Variants in HYDIN observed in about 807,000 individuals in gnomAD.
The protein encoded by HYDIN is HYDIN axonemal central pair apparatus protein.
In HYDIN, 132 loss-of-function variants were observed where a neutral mutation model predicts 403.9. The ratio of observed to expected loss-of-function variants is 0.33; its 90% confidence interval spans 0.28 to 0.38. The LOEUF is 0.38. HYDIN is among the 10% of genes least tolerant of loss of function. The pLI is 1.00. For synonymous variants in HYDIN, 1,202 were observed against 1,891.7 expected, an observed-to-expected ratio of 0.64 and a Z score of 9.46; for missense variants, 2,827 against 5,009.5, an observed-to-expected ratio of 0.56 and a Z score of 13.15.
chr16:71,073,192 C>G (rs2082523709), intron 13 of HYDIN, among the ~76,000 whole-genome samples: 2 of 152,094 alleles, frequency 1.3e-5, no homozygotes, highest in African/African-American at 4.8e-5. Flanking sequence ...TTGTTAGATG[C>G]CTGACGTTAC....
At chr16:71,201,729 A>G (rs1338882459) in intron 1 of HYDIN, among the ~76,000 whole-genome samples, 1 of 152,272 alleles carries the variant, frequency 6.6e-6, no homozygotes, top group Non-Finnish European at 1.5e-5. Flanking sequence ...AAATGACAGC[A>G]GTGCCAACAG....
At chr16:71,086,308 C>T (rs2082929691) in intron 12 of HYDIN, among the ~76,000 whole-genome samples, 1 of 151,880 alleles carries the variant, frequency 6.6e-6, no homozygotes, top group South Asian at 2.1e-4. Flanking sequence ...TACAACCTTG[C>T]TTGAAGGAGG....
At position 70,970,569 on chromosome 16, in the gene HYDIN, A is replaced by G. The variant is rs1435309779; in HGVS notation, c.5570T>C (p.Ile1857Thr). ...ATCAAATTCTAAGGAATAAAACTCA[A>G]TGGGGAAGTTGCAGGGATTCTTCAC... ...VIVKNPCNFPIEFYSLEFDQQ... is the reference protein window; with the variant it reads ...VIVKNPCNFPTEFYSLEFDQQ... Residue 1857 changes from isoleucine (I) to threonine (T), a missense_variant, in exon 36 of 86, where the codon ATT (isoleucine) becomes ACT (threonine). Coordinates refer to ENST00000393567, the MANE Select transcript of HYDIN (RefSeq NM_001270974.2). The G allele has an allele frequency of 2.2e-6, 3 of 1,339,192 alleles. No homozygotes were observed. The highest frequency in any genetic ancestry group is 2.1e-6 in the Non-Finnish European group (2 of 941,600). The allele number at this position is 1,339,192 out of a possible 1,614,324, so 83.0% of individuals were successfully genotyped here.
At chr16:70,830,143 G>C (rs2036877998) in intron 80 of HYDIN, among the ~76,000 whole-genome samples, 1 of 151,756 alleles carries the variant, frequency 6.6e-6, no homozygotes, top group South Asian at 2.1e-4. Flanking sequence ...ATAGAAATAA[G>C]TGCCAAGGGG....
At chr16:71,017,115 G>A (rs1487947351) in intron 23 of HYDIN, among the ~76,000 whole-genome samples, 4 of 151,788 alleles carry the variant, frequency 2.6e-5, no homozygotes, top group African/African-American at 9.7e-5. Flanking sequence ...CGAGGCGGGC[G>A]GATTACCTGA....
At chr16:71,005,112 A>G (rs1360992226) in intron 23 of HYDIN, among the ~76,000 whole-genome samples, 1 of 152,252 alleles carries the variant, frequency 6.6e-6, no homozygotes, top group African/African-American at 2.4e-5. Context: ...CCTAGTATAC[A>G]GTAATTTTTC....
In HYDIN at chr16:70,848,337, G is replaced by A. The variant is rs1420198343; in HGVS notation, c.12873+1389C>T. On this transcript the variant is annotated intron_variant, in intron 75 of 85. Coordinates refer to ENST00000393567, the MANE Select transcript of HYDIN (RefSeq NM_001270974.2). ...AGTCCAACATCTGGGCTCCCTCAGA[G>A]ACAACTTCTATTCATTGCTTTTTTC... 2.6e-5 allele frequency among the ~76,000 whole-genome samples: 4 copies of A among 151,978 alleles called. No individual in the cohort carries two copies. The East Asian group carries it at 7.7e-4, about 29-fold the overall frequency.
At position 70,832,909 on chromosome 16, in the gene HYDIN, C is replaced by A. The variant is rs773112624; in HGVS notation, c.13838G>T (p.Gly4613Val). 6.2e-7 allele frequency: 1 copy of A among 1,613,758 alleles called. No homozygotes were observed. The highest frequency in any genetic ancestry group is 1.3e-5 in the African/African-American group (1 of 74,878). ...LCKNILCYIQ[G>V]GSPLSLTLSG... Reference sequence around the variant, plus strand: ...CAGGGTTAGACTCAGAGGACTGCCTCCCTGGATGTAGCAGAGAATGTTTTT... The same window carrying A: ...CAGGGTTAGACTCAGAGGACTGCCTACCTGGATGTAGCAGAGAATGTTTTT... Residue 4613 changes from glycine (G) to valine (V), a missense_variant, in exon 80 of 86, where the codon GGA (glycine) becomes GTA (valine). Transcript: ENST00000393567.
intron 12 of HYDIN, among the ~76,000 whole-genome samples, chr16:71,084,809 G>A (rs2082886014): frequency 6.8e-6 from 1 of 146,846 alleles, no homozygotes; most frequent in African/African-American, 2.6e-5. Flanking sequence ...AATCATAAAA[G>A]GGTGCTAAAT....
At chr16:70,955,628 G>A in intron 39 of HYDIN, 80 bp from the exon 40 acceptor site, 2 of 620,664 alleles carry the variant, frequency 3.2e-6, no homozygotes, top group Middle Eastern at 4.5e-4. Flanking sequence ...CAAGAGCAGA[G>A]GTCCCTGCAA....
At chr16:70,830,101 C>G (rs2036874564) in intron 80 of HYDIN, among the ~76,000 whole-genome samples, 2 of 152,042 alleles carry the variant, frequency 1.3e-5, no homozygotes, top group Admixed American at 1.3e-4. Context: ...TAGAGGGAGA[C>G]AGACACACAA....
intron 10 of HYDIN, among the ~76,000 whole-genome samples, chr16:71,112,914 C>T (rs1027984392): frequency 1.6e-4 from 25 of 152,114 alleles, no homozygotes; most frequent in Non-Finnish European, 2.4e-4. Flanking sequence ...ATAAATAAAC[C>T]TCATAAGATA....
chr16:70,958,106 C>T (rs577233320), intron 39 of HYDIN, among the ~76,000 whole-genome samples: 8 of 151,612 alleles, frequency 5.3e-5, no homozygotes, highest in African/African-American at 1.9e-4. Flanking sequence ...AGGTGTCTTC[C>T]CTCTCCTTCT....
intron 1 of HYDIN, among the ~76,000 whole-genome samples, chr16:71,204,570 TGTAA>T (rs1335543781): frequency 6.6e-6 from 1 of 152,272 alleles, no homozygotes; most frequent in Non-Finnish European, 1.5e-5. Context: ...AAATGTCAAA[TGTAA>T]TTCTTTTAAT....
intron 1 of HYDIN, among the ~76,000 whole-genome samples, chr16:71,219,241 T>A (rs2089059872): frequency 6.6e-6 from 1 of 152,126 alleles, no homozygotes; most frequent in African/African-American, 2.4e-5. Context: ...CAGATCATAA[T>A]GTTATTAGAG....
In HYDIN at chr16:70,955,421, G is replaced by A. The variant is rs766738680; in HGVS notation, c.6270C>T (p.Cys2090=). ...CGGACTGCTCTATGGCAGCCCTGATGCAGAGCTCACGGGCCCGGATCCCTG... is the reference window on the plus strand; with the variant it reads ...CGGACTGCTCTATGGCAGCCCTGATACAGAGCTCACGGGCCCGGATCCCTG... ...NIPGIRAREL[C]IRAAIEQSVK... is the part of the protein sequence containing the mutation. Residue 2090 remains cysteine (C), a synonymous_variant, in exon 40 of 86, where the codon TGC becomes TGT. Transcript: ENST00000393567. The A allele has an allele frequency of 6.2e-7, 1 of 1,614,072 alleles. No homozygotes were observed.
intron 5 of HYDIN, among the ~76,000 whole-genome samples, chr16:71,173,294 G>A (rs185667816): frequency 1.3e-5 from 2 of 152,260 alleles, no homozygotes; most frequent in Admixed American, 1.3e-4. Context: ...ATTTAACTCA[G>A]TTAATTTTTT....
At chr16:70,835,024 A>AT (rs1567678257) in intron 78 of HYDIN, among the ~76,000 whole-genome samples, 1 of 143,006 alleles carries the variant, frequency 7.0e-6, no homozygotes, top group East Asian at 2.1e-4. Flanking sequence ...ACATATATAT[A>AT]TGTTTTTTTT....
At chr16:70,978,654 T>G (rs1309900192) in intron 30 of HYDIN, among the ~76,000 whole-genome samples, 1 of 152,208 alleles carries the variant, frequency 6.6e-6, no homozygotes, top group African/African-American at 2.4e-5. Context: ...TCCAAAAACC[T>G]TAATAGATCA....
Sources: gnomAD v4.1 joint callset for allele counts (sites outside exome capture counted in the v4.1 genomes callset) on GRCh38, gnomAD v4.1.1 for gene constraint, MANE v1.5 for transcripts, NCBI Gene and HGNC (gene_info 2026-07-23, HGNC 2026-07-21) for gene names.